KCND2: variants seen among roughly 807,000 people sequenced by gnomAD.
KCND2 encodes potassium voltage-gated channel subfamily D member 2.
Under a neutral mutation model 54.4 loss-of-function variants are expected in KCND2, and 16 were observed. That is an observed-to-expected ratio of 0.29 (90% CI 0.20 to 0.45). The LOEUF (loss-of-function observed/expected upper bound fraction) is 0.45, where lower values mean the gene tolerates loss of function less well. KCND2 is among the 20% of genes least tolerant of loss of function. The probability of loss-of-function intolerance (pLI) is 1.00; values close to 1 mark genes in which losing one functional copy is unlikely to be tolerated. For missense variants in KCND2, 486 were observed against 824.2 expected (o/e 0.59, Z 5.02); for synonymous variants, 317 against 310.7 (o/e 1.02, Z -0.21).
At chr7:120,445,905 C>G (rs1385808429) in intron 1 of KCND2, among the ~76,000 whole-genome samples, 1 of 152,142 alleles carries the variant, frequency 6.6e-6, no homozygotes. Flanking sequence ...ACTTACCCCT[C>G]TCTTAACCCA....
intron 1 of KCND2, among the ~76,000 whole-genome samples, chr7:120,387,463 A>G (rs943882683): frequency 1.3e-5 from 2 of 152,012 alleles, no homozygotes; most frequent in African/African-American, 4.8e-5. Flanking sequence ...GACTATATTT[A>G]TTGCCTATAT....
chr7:120,501,627 A>C (rs939336839), intron 1 of KCND2, among the ~76,000 whole-genome samples: 2 of 152,154 alleles, frequency 1.3e-5, no homozygotes, highest in Non-Finnish European at 2.9e-5. Context: ...ATCTGCTTGA[A>C]TTATTTAGCT....
At chr7:120,314,254 A>G (rs2116319377) in intron 1 of KCND2, among the ~76,000 whole-genome samples, 1 of 151,806 alleles carries the variant, frequency 6.6e-6, no homozygotes, top group Middle Eastern at 3.4e-3. Flanking sequence ...AATGCATTGA[A>G]CCCGGGAGGT....
chr7:120,333,281 A>G (rs1274857668), intron 1 of KCND2, among the ~76,000 whole-genome samples: 1 of 152,102 alleles, frequency 6.6e-6, no homozygotes, highest in African/African-American at 2.4e-5. Context: ...TCGAATTGCA[A>G]AGGGCTTACA....
chr7:120,305,441 G>A (rs1255299535), intron 1 of KCND2, among the ~76,000 whole-genome samples: 1 of 152,038 alleles, frequency 6.6e-6, no homozygotes, highest in Non-Finnish European at 1.5e-5. Context: ...ATCTTCAACC[G>A]AGAGACAATG....
intron 1 of KCND2, among the ~76,000 whole-genome samples, chr7:120,595,591 GTATA>G (rs58301382): frequency 0.06 from 7,897 of 131,842 alleles, 719 homozygotes; most frequent in African/African-American, 0.2. Flanking sequence ...GTGTGTGTGT[GTATA>G]TATATATATA....
At chr7:120,488,572 A>C (rs1272967542) in intron 1 of KCND2, among the ~76,000 whole-genome samples, 1 of 152,114 alleles carries the variant, frequency 6.6e-6, no homozygotes, top group East Asian at 1.9e-4. Context: ...TGCAAAGTGA[A>C]TATATTATCG....
At chr7:120,652,975 T>C (rs896563919) in intron 1 of KCND2, among the ~76,000 whole-genome samples, 4 of 152,192 alleles carry the variant, frequency 2.6e-5, no homozygotes, top group African/African-American at 9.7e-5. Flanking sequence ...GAGGATGGAT[T>C]TTTGGTGACA....
intron 1 of KCND2, among the ~76,000 whole-genome samples, chr7:120,374,885 G>T (rs772567329): frequency 3.3e-5 from 5 of 151,674 alleles, no homozygotes; most frequent in African/African-American, 1.2e-4. Flanking sequence ...TTTCTGATGA[G>T]CTTCACCAAT....
intron 1 of KCND2, among the ~76,000 whole-genome samples, chr7:120,544,038 G>C (rs116074388): frequency 6.6e-6 from 1 of 151,954 alleles, no homozygotes; most frequent in Non-Finnish European, 1.5e-5. Context: ...GATGATTACT[G>C]TCTGCTTCCA....
At chr7:120,641,205 CTG>C (rs1793366640) in intron 1 of KCND2, among the ~76,000 whole-genome samples, 1 of 152,098 alleles carries the variant, frequency 6.6e-6, no homozygotes. Flanking sequence ...TACCTAGACT[CTG>C]TGTAGATCTG....
At chr7:120,479,475 A>G (rs1473957605) in intron 1 of KCND2, among the ~76,000 whole-genome samples, 1 of 151,896 alleles carries the variant, frequency 6.6e-6, no homozygotes, top group Non-Finnish European at 1.5e-5. Flanking sequence ...ATAAAATTTC[A>G]GCTTTCTTGT....
chr7:120,462,095 G>T (rs1802291794), intron 1 of KCND2, among the ~76,000 whole-genome samples: 1 of 151,906 alleles, frequency 6.6e-6, no homozygotes, highest in Non-Finnish European at 1.5e-5. Flanking sequence ...TCTCTTTAGT[G>T]TTGTATTAGT....
intron 1 of KCND2, among the ~76,000 whole-genome samples, chr7:120,705,666 T>C (rs1031640964): frequency 6.6e-5 from 10 of 152,178 alleles, no homozygotes; most frequent in African/African-American, 2.4e-4. Context: ...AGGATTATTT[T>C]GGGGGATTTT....
intron 1 of KCND2, among the ~76,000 whole-genome samples, chr7:120,343,375 A>G (rs1037904641): frequency 2.6e-5 from 4 of 152,156 alleles, no homozygotes; most frequent in Non-Finnish European, 5.9e-5. Flanking sequence ...GAACATTTTA[A>G]GCTACCTGAC....
chr7:120,284,978 T>C (rs73429963), intron 1 of KCND2, among the ~76,000 whole-genome samples: 3,257 of 152,270 alleles, frequency 0.021, 131 homozygotes, highest in African/African-American at 0.074. Flanking sequence ...TAATTTTTAA[T>C]GAGAGACTGA....
intron 1 of KCND2, among the ~76,000 whole-genome samples, chr7:120,607,490 C>T (rs1449089857): frequency 2.6e-5 from 4 of 152,026 alleles, no homozygotes; most frequent in African/African-American, 9.7e-5. Flanking sequence ...TAGTAATTTT[C>T]ATCTCTATTT....
chr7:120,648,969 C>T (rs1791678345), intron 1 of KCND2, among the ~76,000 whole-genome samples: 3 of 152,130 alleles, frequency 2.0e-5, no homozygotes, highest in Admixed American at 1.3e-4. Flanking sequence ...CATTGAATCA[C>T]ACTAGTAAAG....
chr7:120,517,371 CTG>C (rs1422516895), intron 1 of KCND2, among the ~76,000 whole-genome samples: 1 of 151,970 alleles, frequency 6.6e-6, no homozygotes, highest in South Asian at 2.1e-4. Flanking sequence ...ATTTCTGTAA[CTG>C]TTGTTCACAA....
Sources: allele counts gnomAD v4.1 joint callset (sites outside exome capture counted in the v4.1 genomes callset), GRCh38; gene constraint gnomAD v4.1.1; transcripts MANE v1.5; gene names NCBI Gene and HGNC (gene_info 2026-07-23, HGNC 2026-07-21).